Variants in SUPT3H observed in about 807,000 individuals in gnomAD.
SUPT3H encodes SPT3 homolog, SAGA and STAGA complex component.
Under a neutral mutation model 44.3 loss-of-function variants are expected in SUPT3H, and 44 were observed. The ratio of observed to expected loss-of-function variants is 0.99; its 90% confidence interval spans 0.78 to 1.28. SUPT3H has a LOEUF of 1.28. SUPT3H is among the 50% of genes most tolerant of loss of function. SUPT3H has a pLI of 0.00. For synonymous variants in SUPT3H, 124 were observed against 125.6 expected (o/e 0.99, Z 0.09); for missense variants, 380 against 387.1 (o/e 0.98, Z 0.15).
chr6:44,904,215 G>C (rs1001252176), intron 10 of SUPT3H, among the ~76,000 whole-genome samples: 12 of 152,306 alleles, frequency 7.9e-5, no homozygotes, highest in Non-Finnish European at 1.5e-4. Context: ...ATTAGGAAAA[G>C]AGGAAGTCAA....
At chr6:45,205,304 A>G (rs1763053545) in intron 2 of SUPT3H, among the ~76,000 whole-genome samples, 1 of 152,192 alleles carries the variant, frequency 6.6e-6, no homozygotes, top group Middle Eastern at 3.2e-3. Flanking sequence ...CATAACATAG[A>G]AGGACTCCAT....
chr6:45,300,485 T>C (rs1347686115), intron 2 of SUPT3H, among the ~76,000 whole-genome samples: 4 of 152,178 alleles, frequency 2.6e-5, no homozygotes, highest in African/African-American at 7.2e-5. Context: ...GGTAGAAATA[T>C]AAAACTACAT....
chr6:45,316,868 G>A (rs566161290), intron 2 of SUPT3H, among the ~76,000 whole-genome samples: 2 of 152,040 alleles, frequency 1.3e-5, no homozygotes, highest in East Asian at 1.9e-4. Context: ...ACTGAGGAAA[G>A]AAATGGAAGA....
chr6:45,083,261 G>A (rs138926163), intron 3 of SUPT3H, among the ~76,000 whole-genome samples: 6 of 151,372 alleles, frequency 4.0e-5, no homozygotes, highest in African/African-American at 1.5e-4. Flanking sequence ...GCGTTATCTC[G>A]GCTCAATGCA....
At chr6:45,029,087 A>G (rs535316932) in intron 3 of SUPT3H, among the ~76,000 whole-genome samples, 2 of 151,884 alleles carry the variant, frequency 1.3e-5, no homozygotes, top group Admixed American at 1.3e-4. Flanking sequence ...GTATTTTCCT[A>G]CCATATAATC....
intron 2 of SUPT3H, among the ~76,000 whole-genome samples, chr6:45,281,835 C>G (rs1778146886): frequency 2.0e-5 from 3 of 152,176 alleles, no homozygotes; most frequent in African/African-American, 4.8e-5. Context: ...GGGAGGCACC[C>G]CCCAGTAGGG....
chr6:44,888,009 G>C (rs1372998078), intron 10 of SUPT3H, among the ~76,000 whole-genome samples: 2 of 152,108 alleles, frequency 1.3e-5, no homozygotes, highest in Non-Finnish European at 2.9e-5. Context: ...AAATAAACTA[G>C]AAAATCTAGA....
chr6:45,185,484 G>A (rs1562642293), intron 2 of SUPT3H, among the ~76,000 whole-genome samples: 1 of 152,100 alleles, frequency 6.6e-6, no homozygotes, highest in African/African-American at 2.4e-5. Flanking sequence ...GAGTCTTAGG[G>A]AAAAACATTC....
intron 2 of SUPT3H, among the ~76,000 whole-genome samples, chr6:45,224,742 C>A (rs1439695400): frequency 2.0e-5 from 3 of 150,182 alleles, no homozygotes; most frequent in Non-Finnish European, 1.5e-5. Context: ...CGCGCCACTG[C>A]ACTCTAGCCT....
At position 45,265,731 on chromosome 6, in the gene SUPT3H, A is replaced by G. The variant is rs73735331; in HGVS notation, c.101+99470T>C. Among the ~76,000 whole-genome samples the G allele has an allele frequency of 3.9e-3, 594 of 152,188 alleles. 7 individuals carry two copies. Among genetic ancestry groups the G allele is most frequent in the African/African-American group, 0.014 (566 of 41,552 alleles). ...CCAAGAAAAAATATCACGTAAAATT[A>G]GTGTGTTCCCTGCAGCATTCCAACA... is the stretch of plus-strand genomic sequence containing the variant. On this transcript the variant is annotated intron_variant, in intron 2 of 10. Coordinates refer to ENST00000371459, the MANE Select transcript of SUPT3H (RefSeq NM_003599.4).
chr6:44,974,258 AAT>A (rs745507365), intron 6 of SUPT3H, among the ~76,000 whole-genome samples: 2 of 151,252 alleles, frequency 1.3e-5, no homozygotes, highest in South Asian at 2.1e-4. Flanking sequence ...TGTATATATA[AAT>A]ATATATATGT....
chr6:45,067,400 TG>T (rs1213479991), intron 3 of SUPT3H, among the ~76,000 whole-genome samples: 1 of 126,966 alleles, frequency 7.9e-6, no homozygotes, highest in African/African-American at 2.7e-5. Flanking sequence ...GACATAGGCA[TG>T]GGCAAGGACT....
intron 2 of SUPT3H, among the ~76,000 whole-genome samples, chr6:45,280,512 A>C (rs141407083): frequency 8.6e-4 from 131 of 152,296 alleles, no homozygotes; most frequent in African/African-American, 3.1e-3. Flanking sequence ...CAACAAAAAA[A>C]ACCTCTTAGG....
chr6:45,212,766 A>G (rs1165536829), intron 2 of SUPT3H, among the ~76,000 whole-genome samples: 1 of 152,202 alleles, frequency 6.6e-6, no homozygotes, highest in East Asian at 1.9e-4. Context: ...TTCTTAGGAC[A>G]TCATTCATTG....
rs1188775402 is a variant in SUPT3H at position 45,047,939 on chromosome 6, A to G, written c.187-27307T>C. On this transcript the variant is annotated intron_variant, in intron 3 of 10. Coordinates refer to ENST00000371459, the MANE Select transcript of SUPT3H (RefSeq NM_003599.4). ...AGTCTTTGCCCATTTTTTTTTTTACACTGTCCTAATATCAAATCTTTATTC... is the reference window on the plus strand; with the variant it reads ...AGTCTTTGCCCATTTTTTTTTTTACGCTGTCCTAATATCAAATCTTTATTC... Among the ~76,000 whole-genome samples the G allele has an allele frequency of 2.6e-5, 4 of 151,276 alleles. 1 individual carries two copies. Among genetic ancestry groups the G allele is most frequent in the Non-Finnish European group, 5.9e-5 (4 of 67,772 alleles).
At chr6:45,154,923 C>G (rs866628864) in intron 2 of SUPT3H, among the ~76,000 whole-genome samples, 1 of 152,070 alleles carries the variant, frequency 6.6e-6, no homozygotes, top group African/African-American at 2.4e-5. Flanking sequence ...GGCCTCTGTA[C>G]CTACGTGCCT....
chr6:44,856,401 T>A (rs1334936997), intron 10 of SUPT3H, among the ~76,000 whole-genome samples: 1 of 152,176 alleles, frequency 6.6e-6, no homozygotes, highest in Non-Finnish European at 1.5e-5. Flanking sequence ...TCTTTAGGAA[T>A]ACTCAAGATC....
In SUPT3H at chr6:44,900,426, T is replaced by C. The variant is rs560020047; in HGVS notation, c.912+32227A>G. Among the ~76,000 whole-genome samples the C allele has an allele frequency of 3.2e-4, 48 of 152,298 alleles. 1 individual carries two copies. Among genetic ancestry groups the C allele is most frequent in the Middle Eastern group, 6.8e-3 (2 of 294 alleles). ...ATGCCCACGGAGCCTCGCTCACTGC[T>C]AGCACAGTAGTCTGAGATCAAACCG... is the stretch of plus-strand genomic sequence containing the variant. On this transcript the variant is annotated intron_variant, in intron 10 of 10. Transcript: ENST00000371459.
chr6:45,296,572 C>G (rs1781263220), intron 2 of SUPT3H, among the ~76,000 whole-genome samples: 1 of 151,586 alleles, frequency 6.6e-6, no homozygotes, highest in African/African-American at 2.4e-5. Context: ...AACCCCGTCT[C>G]TACTAAAAAT....
Sources: gnomAD v4.1 joint callset for allele counts (sites outside exome capture counted in the v4.1 genomes callset) on GRCh38, gnomAD v4.1.1 for gene constraint, MANE v1.5 for transcripts, NCBI Gene and HGNC (gene_info 2026-07-23, HGNC 2026-07-21) for gene names.